Variants in GDA observed in about 807,000 individuals in gnomAD.
The protein encoded by GDA is cytoplasmic PSD-95 interactor.
GDA carries 18 observed loss-of-function variants against 59.6 expected under a neutral mutation model. The observed-to-expected ratio is 0.30, with a 90% CI of 0.21 to 0.45. The LOEUF is 0.45. GDA is among the 20% of genes least tolerant of loss of function. The pLI is 1.00. For synonymous variants in GDA, 201 were observed against 201.1 expected (o/e 1.00, Z 0.00); for missense variants, 427 against 552.3 (o/e 0.77, Z 2.27).
chr9:72,180,847 TA>T (rs1426303481), intron 1 of GDA, among the ~76,000 whole-genome samples: 1 of 152,224 alleles, frequency 6.6e-6, no homozygotes, highest in Non-Finnish European at 1.5e-5. Flanking sequence ...AAGGGTTGTT[TA>T]GCATATTACC....
chr9:72,222,975 T>C (rs1837090327), intron 6 of GDA, 145 bp from the exon 7 acceptor site: 2 of 498,972 alleles, frequency 4.0e-6, no homozygotes, highest in Admixed American at 7.9e-5. Context: ...CTCAAAGTGC[T>C]GGGATTACAG....
downstream of GDA, among the ~76,000 whole-genome samples, chr9:72,258,880 G>A (rs1361089476): frequency 6.6e-6 from 1 of 152,210 alleles, no homozygotes; most frequent in Non-Finnish European, 1.5e-5. Context: ...TGTGGGCACA[G>A]AATGGGTAAT....
chr9:72,246,208 C>A (rs1840120914), intron 12 of GDA, among the ~76,000 whole-genome samples: 1 of 152,202 alleles, frequency 6.6e-6, no homozygotes, highest in African/African-American at 2.4e-5. Flanking sequence ...AGTGCAATGG[C>A]ATGATCTCAG....
chr9:72,200,416 G>A (rs72727225), intron 2 of GDA, among the ~76,000 whole-genome samples: 13,500 of 139,016 alleles, frequency 0.097, 684 homozygotes, highest in Middle Eastern at 0.14. Flanking sequence ...CTCCTTTCTC[G>A]TCCTTTTCCT....
chr9:72,162,299 T>A (rs775858282), intron 1 of GDA, among the ~76,000 whole-genome samples: 4 of 152,182 alleles, frequency 2.6e-5, no homozygotes, highest in Non-Finnish European at 5.9e-5. Flanking sequence ...TCGGAGTCAA[T>A]AATCAAATTA....
At chr9:72,150,355 A>T (rs1045627639) in intron 1 of GDA, among the ~76,000 whole-genome samples, 1 of 151,758 alleles carries the variant, frequency 6.6e-6, no homozygotes, top group Non-Finnish European at 1.5e-5. Flanking sequence ...ACACACACAC[A>T]CACCATAGCC....
At chr9:72,142,878 C>G (rs1222565778) in intron 1 of GDA, among the ~76,000 whole-genome samples, 5 of 150,908 alleles carry the variant, frequency 3.3e-5, no homozygotes, top group African/African-American at 9.8e-5. Flanking sequence ...AAGCGATTCT[C>G]CTGCCTCAGC....
chr9:72,207,114 T>C (rs1054158061), intron 3 of GDA, among the ~76,000 whole-genome samples: 1 of 152,190 alleles, frequency 6.6e-6, no homozygotes, highest in African/African-American at 2.4e-5. Flanking sequence ...ATTGTAATTG[T>C]TGATCATCCC....
At chr9:72,174,599 G>A (rs933665394) in intron 1 of GDA, among the ~76,000 whole-genome samples, 1 of 152,098 alleles carries the variant, frequency 6.6e-6, no homozygotes, top group Non-Finnish European at 1.5e-5. Flanking sequence ...TATGAGGATC[G>A]TTAATTGGGA....
intron 10 of GDA, among the ~76,000 whole-genome samples, chr9:72,240,343 A>G (rs577942432): frequency 6.6e-6 from 1 of 152,350 alleles, no homozygotes; most frequent in East Asian, 1.9e-4. Flanking sequence ...ATAAATTTTT[A>G]GTGAATAGAA....
At chr9:72,117,207 C>T (rs1825485087) in intron 1 of GDA, among the ~76,000 whole-genome samples, 1 of 151,930 alleles carries the variant, frequency 6.6e-6, no homozygotes, top group South Asian at 2.1e-4. Context: ...GAGTATATGA[C>T]TTGTTTAATT....
intron 6 of GDA, among the ~76,000 whole-genome samples, chr9:72,221,817 T>C (rs192615673): frequency 1.2e-4 from 18 of 152,356 alleles, no homozygotes; most frequent in African/African-American, 4.3e-4. Flanking sequence ...ATATTTGACT[T>C]TCCCTTCCTG....
At chr9:72,198,846 G>GATATACATATATATATATATATATAT in intron 2 of GDA, among the ~76,000 whole-genome samples, 1 of 128,574 alleles carries the variant, frequency 7.8e-6, no homozygotes, top group Non-Finnish European at 1.5e-5. Flanking sequence ...TATATAGGGG[G>GATATACATATATATATATATATATAT]ATATATATAT....
downstream of GDA, among the ~76,000 whole-genome samples, chr9:72,257,973 A>AGT (rs1344392702): frequency 6.7e-6 from 1 of 149,734 alleles, no homozygotes; most frequent in Non-Finnish European, 1.5e-5. Flanking sequence ...GTCAGTCATG[A>AGT]CAGAATCCTA....
chr9:72,127,756 T>G (rs1416771029), intron 1 of GDA, among the ~76,000 whole-genome samples: 1 of 152,190 alleles, frequency 6.6e-6, no homozygotes, highest in Non-Finnish European at 1.5e-5. Context: ...TGATGTTATC[T>G]GTCTTGTCGT....
chr9:72,128,076 G>A (rs1825905315), intron 1 of GDA, among the ~76,000 whole-genome samples: 1 of 152,040 alleles, frequency 6.6e-6, no homozygotes, highest in African/African-American at 2.4e-5. Context: ...GGATTTTGTT[G>A]TTAGTTATCC....
chr9:72,134,881 C>G (rs1826162540), intron 1 of GDA, among the ~76,000 whole-genome samples: 1 of 152,194 alleles, frequency 6.6e-6, no homozygotes, highest in East Asian at 1.9e-4. Flanking sequence ...ACTGTTAGTA[C>G]AGAGCTGACT....
At chr9:72,149,305 GGAGA>G (rs1826842332), upstream of GDA, 1 of 517,316 alleles carries the variant, frequency 1.9e-6, no homozygotes, top group Non-Finnish European at 3.4e-6. Context: ...ACGCAAGGGT[GGAGA>G]GAAAGACCAC....
At chr9:72,236,124 C>A (rs1838959809) in intron 10 of GDA, among the ~76,000 whole-genome samples, 1 of 152,174 alleles carries the variant, frequency 6.6e-6, no homozygotes, top group Admixed American at 6.5e-5. Context: ...TCACTATAAT[C>A]ATTTCCTTGG....
Sources: allele counts gnomAD v4.1 joint callset (sites outside exome capture counted in the v4.1 genomes callset), GRCh38; gene constraint gnomAD v4.1.1; transcripts MANE v1.5; gene names NCBI Gene and HGNC (gene_info 2026-07-23, HGNC 2026-07-21).